Variants in ZNF141 observed in about 807,000 individuals in gnomAD.
ZNF141 encodes the protein zinc finger protein 141 (clone pHZ-44).
ZNF141 carries 7 observed loss-of-function variants against 11.3 expected under a neutral mutation model. The observed-to-expected ratio is 0.62, with a 90% CI of 0.35 to 1.16. The LOEUF (loss-of-function observed/expected upper bound fraction) is 1.16. ZNF141 is among the 50% of genes most tolerant of loss of function. ZNF141 has a pLI of 0.02. For synonymous variants in ZNF141, 183 were observed against 190.7 expected (o/e 0.96, Z 0.33); for missense variants, 535 against 554.0 (o/e 0.97, Z 0.34).
intron 3 of ZNF141, among the ~76,000 whole-genome samples, chr4:353,467 T>A: frequency 9.3e-6 from 1 of 108,040 alleles, no homozygotes; most frequent in African/African-American, 4.1e-5. Context: ...ATTATTATTA[T>A]TTTTTTTTTT....
At chr4:371,956 T>C (rs1553853634) in intron 3 of ZNF141, among the ~76,000 whole-genome samples, 4 of 152,248 alleles carry the variant, frequency 2.6e-5, no homozygotes, top group Admixed American at 6.5e-5. Context: ...ATCTTTACAA[T>C]GTAGCTTTTT....
intron 3 of ZNF141, among the ~76,000 whole-genome samples, chr4:356,678 A>G (rs1721856247): frequency 6.6e-6 from 1 of 152,110 alleles, no homozygotes; most frequent in Non-Finnish European, 1.5e-5. Context: ...GGACACTAAA[A>G]CCATAGCAGT....
At position 379,997 on chromosome 4, in the gene ZNF141, A is replaced by C. The variant is rs1712541666; in HGVS notation, c.*6135A>C. ...ACCATGCTGTACAATAGATTTCTTG[A>C]ATTTATTCCTCCTAGGCAACTATGT... On this transcript the variant is annotated 3_prime_UTR_variant, in exon 4 of 4. Coordinates refer to ENST00000240499, the MANE Select transcript of ZNF141 (RefSeq NM_003441.4). 1.3e-5 allele frequency among the ~76,000 whole-genome samples: 2 copies of C among 152,196 alleles called. No individual in the cohort carries two copies. Among genetic ancestry groups the C allele is most frequent in the Non-Finnish European group, 2.9e-5 (2 of 68,040 alleles).
rs1712751571 is a variant in ZNF141 at position 383,387 on chromosome 4, G to A, written c.*9525G>A. The A allele has an allele frequency of 2.3e-6, 1 of 433,174 alleles. No homozygotes were observed. Among genetic ancestry groups the A allele is most frequent in the East Asian group, 3.4e-5 (1 of 29,146 alleles). 26.8% of individuals were successfully genotyped at this position (433,174 alleles called of 1,614,324 possible). On this transcript the variant is annotated 3_prime_UTR_variant, in exon 4 of 4. Coordinates refer to ENST00000240499, the MANE Select transcript of ZNF141 (RefSeq NM_003441.4). The stretch of plus-strand genomic sequence containing the variant: ...CCATTAAAGACAGGATCTCAGGACA[G>A]ATTGATCACAAATAACCTGCAAATG...
intron 3 of ZNF141, among the ~76,000 whole-genome samples, chr4:366,826 C>T (rs1711766477): frequency 6.6e-6 from 1 of 152,144 alleles, no homozygotes; most frequent in African/African-American, 2.4e-5. Context: ...CTGGACTGCA[C>T]CTGGTTAATT....
At chr4:363,280 G>C (rs967465143) in intron 3 of ZNF141, among the ~76,000 whole-genome samples, 15 of 152,258 alleles carry the variant, frequency 9.9e-5, no homozygotes, top group African/African-American at 3.4e-4. Flanking sequence ...GGGCTGAGAC[G>C]ATGGGGTTTT....
At chr4:366,456 G>A (rs1711746799) in intron 3 of ZNF141, among the ~76,000 whole-genome samples, 1 of 150,958 alleles carries the variant, frequency 6.6e-6, no homozygotes, top group Non-Finnish European at 1.5e-5. Context: ...TGACAGGCGT[G>A]TGCCGCCCCA....
intron 3 of ZNF141, among the ~76,000 whole-genome samples, chr4:346,953 T>A (rs1721355908): frequency 6.7e-6 from 1 of 148,664 alleles, no homozygotes; most frequent in South Asian, 2.1e-4. Flanking sequence ...GAGGGGAAGA[T>A]AGTTCTTTGA....
At chr4:367,493 T>C (rs1409294286) in intron 3 of ZNF141, among the ~76,000 whole-genome samples, 1 of 152,016 alleles carries the variant, frequency 6.6e-6, no homozygotes, top group African/African-American at 2.4e-5. Context: ...TATTTTTAAT[T>C]GTCAAAAACA....
rs79298288 is a variant in ZNF141, at chr4:373,616, A to G, written c.1179A>G (p.Lys393=). Residue 393 remains lysine (K), a synonymous_variant, in exon 4 of 4, where the codon AAA becomes AAG. Transcript: ENST00000240499. ...NEHKKIHTGE[K]PYKCEECGKA... Reference sequence around the variant, plus strand: ...ATAAAAAAATTCATACTGGAGAGAAACCCTACAAATGTGAAGAATGTGGCA... The same window carrying G: ...ATAAAAAAATTCATACTGGAGAGAAGCCCTACAAATGTGAAGAATGTGGCA... The G allele has an allele frequency of 9.6e-4, 1,546 of 1,614,100 alleles. 20 individuals carry two copies. The African/African-American group carries it at 0.019, about 20-fold the overall frequency.
intron 3 of ZNF141, among the ~76,000 whole-genome samples, chr4:370,389 AT>A (rs1202109191): frequency 2.7e-5 from 4 of 150,930 alleles, no homozygotes; most frequent in Admixed American, 6.6e-5. Context: ...ATAGTTCAGC[AT>A]TTTTTTTTAT....
In ZNF141 at chr4:374,529, GA is replaced by G. The variant is rs541511814; in HGVS notation, c.*674del. The G allele has an allele frequency of 2.4e-4, 44 of 180,194 alleles. No individual in the cohort carries two copies. The Middle Eastern group carries it at 2.9e-3, about 12-fold the overall frequency. The allele number at this position is 180,194 out of a possible 1,614,324, so 11.2% of individuals were successfully genotyped here. On this transcript the variant is annotated 3_prime_UTR_variant, in exon 4 of 4. Transcript: ENST00000240499. ...TGTGCACAAGATAATTCATTCTGGG[GA>G]AAAAAATGCTACAAATGTGAAAAAC...
intron 2 of ZNF141, 136 bp downstream of exon 2, chr4:344,044 C>G: frequency 7.9e-7 from 1 of 1,265,560 alleles, no homozygotes; most frequent in Non-Finnish European, 1.1e-6. Context: ...TTGAGTCCTT[C>G]ACTCTAGGTT....
At chr4:365,304 C>T (rs905760270) in intron 3 of ZNF141, among the ~76,000 whole-genome samples, 1 of 152,206 alleles carries the variant, frequency 6.6e-6, no homozygotes, top group Non-Finnish European at 1.5e-5. Flanking sequence ...GGTGATGCCC[C>T]ACCCTGTTTC....
In ZNF141 at chr4:381,946, C is replaced by CTTTTTTTTTTTCTTT. The variant is rs1712639395; in HGVS notation, c.*8095_*8096insCTTTTTTTTTTTTTT. 9.4e-6 allele frequency among the ~76,000 whole-genome samples: 1 copy of CTTTTTTTTTTTCTTT among 105,938 alleles called. No homozygotes were observed. The highest frequency in any genetic ancestry group is 4.5e-5 in the African/African-American group (1 of 22,412). The allele number at this position is 105,938 out of a possible 152,430, so 69.5% of individuals were successfully genotyped here. A position where few individuals can be genotyped will look rare whatever the true frequency, so the allele number is the denominator to read the frequency against. ...CTAGGGCCACCACCATCTCTGGGAA[C>CTTTTTTTTTTTCTTT]TTTTTTTTTTTTTTTTTTTGAGACG... On this transcript the variant is annotated 3_prime_UTR_variant, in exon 4 of 4. Transcript: ENST00000240499.
chr4:382,046 C>T lies in ZNF141; in HGVS notation c.*8184C>T, dbSNP rs1174375304. ...CTGCAAGCTCCACCTCCCAGGTTCA[C>T]GCCATTCTCCTGCCTCAGCCTCCCA... is the stretch of plus-strand genomic sequence containing the variant. On this transcript the variant is annotated 3_prime_UTR_variant, in exon 4 of 4. Coordinates refer to ENST00000240499, the MANE Select transcript of ZNF141 (RefSeq NM_003441.4). Among the ~76,000 whole-genome samples the T allele has an allele frequency of 8.0e-5, 12 of 150,420 alleles. No homozygotes were observed. Among genetic ancestry groups the T allele is most frequent in the Non-Finnish European group, 1.8e-4 (12 of 67,762 alleles).
At chr4:364,624 C>T (rs142465768) in intron 3 of ZNF141, among the ~76,000 whole-genome samples, 2,002 of 152,214 alleles carry the variant, frequency 0.013, 30 homozygotes, top group South Asian at 0.086. Context: ...AGAGTCCACT[C>T]CAGACTCTCT....
At chr4:364,779 T>C (rs1317952259) in intron 3 of ZNF141, among the ~76,000 whole-genome samples, 1 of 152,162 alleles carries the variant, frequency 6.6e-6, no homozygotes, top group African/African-American at 2.4e-5. Context: ...TTAGGCTACA[T>C]AGGGGTCAGG....
rs1016157468 is a variant in ZNF141 at position 349,464 on chromosome 4, T to C, written c.226+5034T>C. Among the ~76,000 whole-genome samples the C allele has an allele frequency of 3.9e-5, 6 of 152,360 alleles. No individual in the cohort carries two copies. In the East Asian group the frequency reaches 1.2e-3, roughly 29 times the overall value. Reference sequence around the variant, plus strand: ...GAGCTTTATTCTCCTTTTCCTTGTCTAATTGTTTTGATACAAACTTCCAGT... The same window carrying C: ...GAGCTTTATTCTCCTTTTCCTTGTCCAATTGTTTTGATACAAACTTCCAGT... On this transcript the variant is annotated intron_variant, in intron 3 of 3. Coordinates refer to ENST00000240499, the MANE Select transcript of ZNF141 (RefSeq NM_003441.4).
Sources: gnomAD v4.1 joint callset for allele counts (sites outside exome capture counted in the v4.1 genomes callset) on GRCh38, gnomAD v4.1.1 for gene constraint, MANE v1.5 for transcripts, NCBI Gene and HGNC (gene_info 2026-07-23, HGNC 2026-07-21) for gene names.